The following PCDHGA2 variants were observed in gnomAD, a reference collection of about 807,000 sequenced individuals.
PCDHGA2 encodes protocadherin gamma subfamily A, 2, also known as protocadherin gamma-A2.
A neutral mutation model predicts 59.2 loss-of-function variants in PCDHGA2; 40 were observed. The observed-to-expected ratio is 0.68, with a 90% CI of 0.52 to 0.88. The LOEUF is 0.88. PCDHGA2 is among the 40% of genes least tolerant of loss of function. The pLI is 0.00. For synonymous variants in PCDHGA2, 560 were observed against 526.0 expected (o/e 1.06, Z -0.89); for missense variants, 1,226 against 1,204.0 (o/e 1.02, Z -0.27).
At chr5:141,407,316 G>A (rs2094914682) in intron 1 of PCDHGA2, among the ~76,000 whole-genome samples, 1 of 152,094 alleles carries the variant, frequency 6.6e-6, no homozygotes, top group Non-Finnish European at 1.5e-5. Flanking sequence ...TTCATACTTA[G>A]TATTTATAAA....
At position 141,485,413 on chromosome 5, in the gene PCDHGA2, C is replaced by T; in HGVS notation, c.2425-9394C>T. ...AAAGACACTTCCGTGTGGATTTGGA[C>T]AGCGGAGCCCTGCTCATCAAGAACC... On this transcript the variant is annotated intron_variant, in intron 1 of 3. Transcript: ENST00000394576. The surrounding 1 kb of genome is among the most constrained non-coding windows in gnomAD (Gnocchi z 5.7). The T allele has an allele frequency of 6.2e-7, 1 of 1,614,158 alleles. No individual in the cohort carries two copies. The highest frequency in any genetic ancestry group is 8.5e-7 in the Non-Finnish European group (1 of 1,180,030).
At chr5:141,510,695 C>T (rs1023505006) in intron 3 of PCDHGA2, among the ~76,000 whole-genome samples, 1 of 152,166 alleles carries the variant, frequency 6.6e-6, no homozygotes, top group Non-Finnish European at 1.5e-5. Context: ...GTTAGGTAGA[C>T]TTGCCCAGGA....
Position 141,389,845 on chromosome 5 carries a change from C to A in PCDHGA2, c.2424+48450C>A, listed in dbSNP as rs572208776. 5.0e-5 allele frequency: 80 copies of A among 1,614,054 alleles called. No homozygotes were observed. In the Admixed American group the frequency reaches 1.3e-3, roughly 27 times the overall value. On this transcript the variant is annotated intron_variant, in intron 1 of 3. Transcript: ENST00000394576. ...GACGGTGGACAGCCACCACTCTCGG[C>A]CACTGCCACGTTGCACCTGGTCTTC...
chr5:141,458,556 T>C (rs1424881453), intron 1 of PCDHGA2, among the ~76,000 whole-genome samples: 1 of 145,670 alleles, frequency 6.9e-6, no homozygotes, highest in Non-Finnish European at 1.5e-5. Flanking sequence ...TTGTTTGTTT[T>C]GGTTTTGGGT....
At chr5:141,356,684 C>T (rs775190688) in intron 1 of PCDHGA2, 1 of 1,613,992 alleles carries the variant, frequency 6.2e-7, no homozygotes, top group Non-Finnish European at 8.5e-7. Flanking sequence ...GCCGAAGACA[C>T]CTTCCAGGGT....
intron 1 of PCDHGA2, among the ~76,000 whole-genome samples, chr5:141,438,497 T>C (rs1274742357): frequency 6.7e-6 from 1 of 149,116 alleles, no homozygotes; most frequent in African/African-American, 2.5e-5. Flanking sequence ...GAAAAAAGAA[T>C]CATAGTGCAA....
chr5:141,389,524 G>T, intron 1 of PCDHGA2: 1 of 1,613,146 alleles, frequency 6.2e-7, no homozygotes, highest in Non-Finnish European at 8.5e-7. Context: ...GTGAGCCTGC[G>T]CGTGTTAGTG....
At chr5:141,470,589 G>A (rs1593264687) in intron 1 of PCDHGA2, among the ~76,000 whole-genome samples, 1 of 152,300 alleles carries the variant, frequency 6.6e-6, no homozygotes, top group East Asian at 1.9e-4. Flanking sequence ...TCATAGGCAG[G>A]CGACCTGTGC....
Position 141,485,400 on chromosome 5 carries a change from G to A in PCDHGA2, c.2425-9407G>A. On this transcript the variant is annotated intron_variant, in intron 1 of 3. Transcript: ENST00000394576. The surrounding 1 kb of genome is among the most constrained non-coding windows in gnomAD (Gnocchi z 5.7). ...GGAGAGGTGAACCAAAGACACTTCC[G>A]TGTGGATTTGGACAGCGGAGCCCTG... is the stretch of plus-strand genomic sequence containing the variant. The A allele has an allele frequency of 6.2e-7, 1 of 1,614,076 alleles. No homozygotes were observed. The highest frequency in any genetic ancestry group is 8.5e-7 in the Non-Finnish European group (1 of 1,179,948).
intron 1 of PCDHGA2, chr5:141,433,007 C>T (rs550227016): frequency 1.2e-6 from 2 of 1,614,198 alleles, no homozygotes; most frequent in Admixed American, 3.3e-5. Context: ...GCAGGCTTTC[C>T]TGCAGACCTA....
chr5:141,458,578 TG>T, intron 1 of PCDHGA2, among the ~76,000 whole-genome samples: 1 of 152,138 alleles, frequency 6.6e-6, no homozygotes. Context: ...TTTGTTTGTT[TG>T]TTTGTTTTGG....
At chr5:141,369,404 T>C (rs1340022164) in intron 1 of PCDHGA2, among the ~76,000 whole-genome samples, 1 of 152,184 alleles carries the variant, frequency 6.6e-6, no homozygotes, top group Non-Finnish European at 1.5e-5. Flanking sequence ...GGGTGGTTCA[T>C]GACTATAATC....
chr5:141,356,329 G>A (rs1371639512), intron 1 of PCDHGA2: 4 of 1,554,226 alleles, frequency 2.6e-6, no homozygotes, highest in Admixed American at 2.0e-5. Flanking sequence ...CAGTGACTCA[G>A]GAGGAAATGG....
At chr5:141,345,890 G>T (rs532588683) in intron 1 of PCDHGA2, 2 of 1,613,352 alleles carry the variant, frequency 1.2e-6, no homozygotes, top group Non-Finnish European at 1.7e-6. Context: ...TCTTCTCGGT[G>T]GGTCTGCACA....
intron 1 of PCDHGA2, chr5:141,345,811 C>A (rs1757645365): frequency 6.2e-7 from 1 of 1,613,738 alleles, no homozygotes; most frequent in African/African-American, 1.3e-5. Flanking sequence ...AAGGTGGTGG[C>A]GGTGGACAGA....
chr5:141,340,215 T>C lies in PCDHGA2; in HGVS notation c.1244T>C (p.Phe415Ser). 1 of 1,614,122 alleles carries C rather than the reference T, an allele frequency of 6.2e-7. No homozygotes were observed. The highest frequency in any genetic ancestry group is 8.5e-7 in the Non-Finnish European group (1 of 1,180,018). The change falls in exon 1 of 4, where the codon TTT becomes TCT. Residue 415 changes from phenylalanine (F) to serine (S), a missense_variant. Phe to Ser is a radical substitution (Grantham distance 155, BLOSUM62 -2). Coordinates refer to ENST00000394576, the MANE Select transcript of PCDHGA2 (RefSeq NM_018915.4). The part of the protein sequence containing the change: ...VTTRALDREQ[F>S]SFYNITLTAK... ...ACCAGAGCCCTTGACAGGGAACAGT[T>C]TTCCTTTTACAACATCACTCTAACC...
chr5:141,372,172 C>T (rs1474578874), intron 1 of PCDHGA2: 17 of 1,613,604 alleles, frequency 1.1e-5, no homozygotes, highest in African/African-American at 4.0e-5. Context: ...AAGGTGGTGG[C>T]GGTGGACGCA....
At chr5:141,390,233 T>C (rs1388812754) in intron 1 of PCDHGA2, 1 of 1,614,068 alleles carries the variant, frequency 6.2e-7, no homozygotes, top group Non-Finnish European at 8.5e-7. Flanking sequence ...GTGATTCATC[T>C]GGGGCCTTAT....
At position 141,385,121 on chromosome 5, in the gene PCDHGA2, T is replaced by C. The variant is rs748623262; in HGVS notation, c.2424+43726T>C. On this transcript the variant is annotated intron_variant, in intron 1 of 3. Transcript: ENST00000394576. The stretch of plus-strand genomic sequence containing the variant: ...GCGAACGTGCCCACCTCGCACTTTG[T>C]GGGCATGGACGGGGTGCAGGCTTTC... 14 of 1,614,214 alleles carry C rather than the reference T, an allele frequency of 8.7e-6. No homozygotes were observed. The Admixed American group carries it at 2.3e-4, about 27-fold the overall frequency.
Sources: gnomAD v4.1 joint callset for allele counts (sites outside exome capture counted in the v4.1 genomes callset) on GRCh38, gnomAD v4.1.1 for gene constraint, Gnocchi (gnomAD v3.1) non-coding constraint, MANE v1.5 for transcripts, NCBI Gene and HGNC (gene_info 2026-07-23, HGNC 2026-07-21) for gene names.